The following PRKG1 variants were observed in gnomAD, a reference collection of about 807,000 sequenced individuals.
PRKG1 encodes the protein protein kinase cGMP-dependent 1.
Under a neutral mutation model 88.1 loss-of-function variants are expected in PRKG1, and 35 were observed. The ratio of observed to expected loss-of-function variants is 0.40; its 90% confidence interval spans 0.30 to 0.53. The LOEUF (loss-of-function observed/expected upper bound fraction) is 0.53, where lower values mean the gene tolerates loss of function less well. Among genes scored for constraint, PRKG1 ranks in the 20% least tolerant of loss-of-function variants. The probability of loss-of-function intolerance (pLI) is 0.59; values close to 1 mark genes in which losing one functional copy is unlikely to be tolerated. For missense variants in PRKG1, 540 were observed against 839.8 expected (o/e 0.64, Z 4.41); for synonymous variants, 303 against 292.5 (o/e 1.04, Z -0.37).
At chr10:52,034,465 G>C (rs1018934427) in intron 5 of PRKG1, among the ~76,000 whole-genome samples, 9 of 150,952 alleles carry the variant, frequency 6.0e-5, no homozygotes, top group African/African-American at 2.2e-4. Flanking sequence ...GCCTAGATAT[G>C]GATTTGGATG....
chr10:52,284,397 CAG>C (rs1842066036), intron 14 of PRKG1, among the ~76,000 whole-genome samples: 1 of 143,180 alleles, frequency 7.0e-6, no homozygotes, highest in South Asian at 2.2e-4. Context: ...AATAACAAGA[CAG>C]AAAGAATTTT....
intron 2 of PRKG1, among the ~76,000 whole-genome samples, chr10:51,337,559 T>G (rs1309584938): frequency 6.6e-6 from 1 of 151,758 alleles, no homozygotes; most frequent in African/African-American, 2.4e-5. Context: ...TTAAACAAAT[T>G]TACAAGAAAA....
chr10:51,410,348 T>C (rs950271750), intron 2 of PRKG1, among the ~76,000 whole-genome samples: 1 of 151,476 alleles, frequency 6.6e-6, no homozygotes, highest in African/African-American at 2.4e-5. Flanking sequence ...CAATAGGCCA[T>C]CTACAAGCTG....
At chr10:51,423,062 G>C (rs900720945) in intron 2 of PRKG1, among the ~76,000 whole-genome samples, 3 of 151,610 alleles carry the variant, frequency 2.0e-5, no homozygotes, top group African/African-American at 7.3e-5. Context: ...GGTTTGAAGA[G>C]TGAATAACCC....
intron 5 of PRKG1, among the ~76,000 whole-genome samples, chr10:52,027,308 G>A (rs917015942): frequency 1.3e-5 from 2 of 152,166 alleles, no homozygotes; most frequent in African/African-American, 2.4e-5. Flanking sequence ...CGTGATATGT[G>A]TATGGGTGGA....
intron 8 of PRKG1, among the ~76,000 whole-genome samples, chr10:52,156,074 AT>A (rs1838086203): frequency 6.6e-6 from 1 of 151,916 alleles, no homozygotes; most frequent in Admixed American, 6.6e-5. Context: ...TTTGAAATCC[AT>A]TTTTCTAGTG....
intron 2 of PRKG1, among the ~76,000 whole-genome samples, chr10:51,249,745 C>T (rs1479293895): frequency 2.0e-5 from 3 of 151,738 alleles, no homozygotes; most frequent in Non-Finnish European, 4.4e-5. Context: ...ACTGATTGAG[C>T]ATCTACTATG....
intron 5 of PRKG1, among the ~76,000 whole-genome samples, chr10:51,946,865 C>A (rs556635033): frequency 6.6e-6 from 1 of 152,014 alleles, no homozygotes; most frequent in East Asian, 1.9e-4. Context: ...TGTCAGTCTA[C>A]CCCTACTGGG....
At chr10:51,885,079 GTTTCT>G (rs1841536045) in intron 4 of PRKG1, among the ~76,000 whole-genome samples, 4 of 152,238 alleles carry the variant, frequency 2.6e-5, no homozygotes, top group Admixed American at 1.3e-4. Context: ...TCTTAGCCAA[GTTTCT>G]TTTCATTTTT....
At chr10:51,459,931 T>A (rs1210098675) in intron 2 of PRKG1, among the ~76,000 whole-genome samples, 1 of 152,212 alleles carries the variant, frequency 6.6e-6, no homozygotes, top group African/African-American at 2.4e-5. Context: ...AATTTACATT[T>A]GGTGGAAGTT....
chr10:51,113,728 TAAAAAAAA>T (rs59764267), intron 1 of PRKG1, among the ~76,000 whole-genome samples: 9 of 92,440 alleles, frequency 9.7e-5, no homozygotes, highest in South Asian at 4.7e-4. Flanking sequence ...GCATTCTATT[TAAAAAAAA>T]AAAAAAAAAA....
chr10:51,781,758 A>G (rs951577203), intron 3 of PRKG1, among the ~76,000 whole-genome samples: 2 of 152,116 alleles, frequency 1.3e-5, no homozygotes, highest in Admixed American at 1.3e-4. Flanking sequence ...TATGTCTGTA[A>G]TAACTATTGT....
chr10:51,919,025 A>G (rs2132975287), intron 5 of PRKG1, among the ~76,000 whole-genome samples: 3 of 152,262 alleles, frequency 2.0e-5, no homozygotes, highest in Middle Eastern at 6.8e-3. Context: ...ACAGAATACA[A>G]AGCTTGTTTG....
intron 2 of PRKG1, among the ~76,000 whole-genome samples, chr10:51,374,941 T>C (rs574964441): frequency 3.3e-5 from 5 of 152,226 alleles, no homozygotes; most frequent in African/African-American, 9.6e-5. Flanking sequence ...TGTGGGCCTC[T>C]CCATATGGCA....
At chr10:52,094,817 G>A (rs1317103573) in intron 7 of PRKG1, among the ~76,000 whole-genome samples, 4 of 152,078 alleles carry the variant, frequency 2.6e-5, no homozygotes, top group Non-Finnish European at 4.4e-5. Flanking sequence ...TACACTCATG[G>A]CCTCATGTAG....
chr10:51,984,002 T>C (rs1320958922), intron 5 of PRKG1, among the ~76,000 whole-genome samples: 2 of 152,230 alleles, frequency 1.3e-5, no homozygotes, highest in Admixed American at 6.5e-5. Flanking sequence ...ATTGGCCATA[T>C]ATGTAGTTCT....
intron 9 of PRKG1, among the ~76,000 whole-genome samples, chr10:52,249,007 CGCCTCCTT>C (rs2132395971): frequency 1.4e-5 from 1 of 73,608 alleles, no homozygotes; most frequent in South Asian, 8.5e-4. Context: ...CTTCTCCCCC[CGCCTCCTT>C]CCCTCCCCTT....
chr10:51,163,220 C>T (rs756732395), intron 2 of PRKG1, among the ~76,000 whole-genome samples: 4 of 152,184 alleles, frequency 2.6e-5, no homozygotes, highest in Non-Finnish European at 5.9e-5. Context: ...TTTCTATTTG[C>T]TGTTCACGGT....
chr10:52,005,334 T>G (rs1844705638), intron 5 of PRKG1, among the ~76,000 whole-genome samples: 1 of 150,746 alleles, frequency 6.6e-6, no homozygotes, highest in Non-Finnish European at 1.5e-5. Context: ...CCTCAAGTGA[T>G]GTGCCCACCT....
Sources: allele counts gnomAD v4.1 joint callset (sites outside exome capture counted in the v4.1 genomes callset), GRCh38; gene constraint gnomAD v4.1.1; transcripts MANE v1.5; gene names NCBI Gene and HGNC (gene_info 2026-07-23, HGNC 2026-07-21).